The following SCAF4 variants were observed in gnomAD, a reference collection of about 807,000 sequenced individuals.
The protein encoded by SCAF4 is SR-related CTD associated factor 4, also known as SR-related and CTD-associated factor 4.
In SCAF4, 25 loss-of-function variants were observed where a neutral mutation model predicts 129.8. That is an observed-to-expected ratio of 0.19 (90% CI 0.14 to 0.27). The LOEUF (loss-of-function observed/expected upper bound fraction) is 0.27, where lower values mean the gene tolerates loss of function less well. Among genes scored for constraint, SCAF4 ranks in the 10% least tolerant of loss-of-function variants. The pLI is 1.00. For synonymous variants in SCAF4, 551 were observed against 497.7 expected (o/e 1.11, Z -1.43); for missense variants, 1,246 against 1,457.1 (o/e 0.86, Z 2.36).
At chr21:31,673,043 G>A (rs545603606) in intron 19 of SCAF4, among the ~76,000 whole-genome samples, 1 of 152,280 alleles carries the variant, frequency 6.6e-6, no homozygotes, top group South Asian at 2.1e-4. Flanking sequence ...AATGCTCAAT[G>A]TTCAGCTGTT....
intron 7 of SCAF4, among the ~76,000 whole-genome samples, chr21:31,700,549 C>T (rs2050500055): frequency 6.6e-6 from 1 of 151,820 alleles, no homozygotes; most frequent in South Asian, 2.1e-4. Context: ...CCACTATTAA[C>T]CTTAACAACA....
rs142270458 is a variant in SCAF4 at position 31,671,645 on chromosome 21, T to C, written c.3198A>G (p.Arg1066=). ...HRDRERDSRD[R]ESRREKEEAR... is the part of the protein sequence containing the mutation. Reference sequence around the variant, plus strand: ...CTTCTTCCTTCTCTCTACGAGACTCTCTATCTCTAGAATCTCTCTCTCTGT... The same window carrying C: ...CTTCTTCCTTCTCTCTACGAGACTCCCTATCTCTAGAATCTCTCTCTCTGT... Residue 1066 remains arginine, a synonymous_variant, in exon 20 of 20, where the codon AGA becomes AGG. Transcript: ENST00000286835. 27 of 1,614,128 alleles carry C rather than the reference T, an allele frequency of 1.7e-5. No homozygotes were observed. The African/African-American group carries it at 3.3e-4, about 20-fold the overall frequency.
At chr21:31,726,880 T>C (rs1488856115) in intron 1 of SCAF4, among the ~76,000 whole-genome samples, 2 of 152,172 alleles carry the variant, frequency 1.3e-5, no homozygotes, top group Non-Finnish European at 2.9e-5. Context: ...CACTCCAGTA[T>C]CAGAGAATAT....
At chr21:31,708,187 A>C (rs1160827334) in intron 1 of SCAF4, among the ~76,000 whole-genome samples, 3 of 152,088 alleles carry the variant, frequency 2.0e-5, no homozygotes, top group Non-Finnish European at 4.4e-5. Flanking sequence ...CAGGAGTTCG[A>C]GACCAGCCTG....
Position 31,694,299 on chromosome 21 carries a change from C to A in SCAF4, c.1237-10G>T. The stretch of plus-strand genomic sequence containing the variant: ...GTTCTACTTCCATTTCCTTAAAAAA[C>A]AAAAACCATGATAAAATGAGAAATT... On this transcript the variant is annotated splice_polypyrimidine_tract_variant and intron_variant, in intron 10 of 19. Transcript: ENST00000286835. 1.3e-6 allele frequency: 2 copies of A among 1,521,436 alleles called. No individual in the cohort carries two copies. The highest frequency in any genetic ancestry group is 1.2e-5 in the South Asian group (1 of 86,490). The allele number at this position is 1,521,436 out of a possible 1,614,324, so 94.2% of individuals were successfully genotyped here. A position where few individuals can be genotyped will look rare whatever the true frequency, so the allele number is the denominator to read the frequency against.
chr21:31,692,274 C>G, intron 13 of SCAF4, 75 bp downstream of exon 13: 1 of 1,185,564 alleles, frequency 8.4e-7, no homozygotes, highest in Non-Finnish European at 1.3e-6. Flanking sequence ...TAACTTTGGT[C>G]TCAGGTCCTC....
At chr21:31,673,929 G>C (rs571635483) in intron 19 of SCAF4, among the ~76,000 whole-genome samples, 2 of 152,294 alleles carry the variant, frequency 1.3e-5, no homozygotes, top group African/African-American at 4.8e-5. Context: ...AGAACATTCT[G>C]GTGCCTATCT....
chr21:31,731,539 C>A (rs1568874777), intron 1 of SCAF4, 124 bp downstream of exon 1: 8 of 1,174,548 alleles, frequency 6.8e-6, no homozygotes, highest in South Asian at 1.3e-5. Context: ...CAGGCCCCGC[C>A]GCCCCGGAAC....
chr21:31,699,170 T>C (rs112043587), intron 7 of SCAF4, among the ~76,000 whole-genome samples: 71 of 152,078 alleles, frequency 4.7e-4, no homozygotes, highest in Non-Finnish European at 9.1e-4. Context: ...CACAGAAACA[T>C]ACAGGAATTT....
rs11408552 is a variant in SCAF4, at chr21:31,712,222, C to CTTTTTTTTTTTT, written c.31-5877_31-5866dup. 5.6e-3 allele frequency among the ~76,000 whole-genome samples: 763 copies of CTTTTTTTTTTTT among 135,266 alleles called. 13 individuals carry two copies. The highest frequency in any genetic ancestry group is 0.02 in the African/African-American group (721 of 35,652). The allele number at this position is 135,266 out of a possible 152,430, so 88.7% of individuals were successfully genotyped here. On this transcript the variant is annotated intron_variant, in intron 1 of 19. Coordinates refer to ENST00000286835, the MANE Select transcript of SCAF4 (RefSeq NM_020706.2). The stretch of plus-strand genomic sequence containing the variant: ...GTTTGATTCTCCCATTTGTTTGTTG[C>CTTTTTTTTTTTT]TTTTTTTTTTTTTTTGAGACAGTCT...
At chr21:31,724,731 CA>C (rs374207672) in intron 1 of SCAF4, among the ~76,000 whole-genome samples, 1 of 150,856 alleles carries the variant, frequency 6.6e-6, no homozygotes, top group Non-Finnish European at 1.5e-5. Context: ...AGAAAACAAA[CA>C]AAAAAAAACT....
At position 31,726,140 on chromosome 21, in the gene SCAF4, G is replaced by A. The variant is rs554418000; in HGVS notation, c.30+5523C>T. Among the ~76,000 whole-genome samples the A allele has an allele frequency of 5.9e-5, 9 of 151,520 alleles. No homozygotes were observed. In the South Asian group the frequency reaches 1.9e-3, roughly 32 times the overall value. ...GGCTCACTGCAAGCTCCGCCTCCCGGGTTCACACCATTCTCCTGCCTCAGC... is the reference window on the plus strand; with the variant it reads ...GGCTCACTGCAAGCTCCGCCTCCCGAGTTCACACCATTCTCCTGCCTCAGC... On this transcript the variant is annotated intron_variant, in intron 1 of 19. Coordinates refer to ENST00000286835, the MANE Select transcript of SCAF4 (RefSeq NM_020706.2).
chr21:31,689,362 A>G (rs1372396962), intron 15 of SCAF4, among the ~76,000 whole-genome samples: 1 of 151,550 alleles, frequency 6.6e-6, no homozygotes, highest in Non-Finnish European at 1.5e-5. Flanking sequence ...CAGTGGCGCA[A>G]TCTCAACTCA....
At position 31,671,657 on chromosome 21, in the gene SCAF4, ATCTCTC is replaced by A; in HGVS notation, c.3180_3185del (p.Glu1060_Arg1061del). 6.2e-7 allele frequency: 1 copy of A among 1,613,700 alleles called. No individual in the cohort carries two copies. The highest frequency in any genetic ancestry group is 8.5e-7 in the Non-Finnish European group (1 of 1,179,808). On this transcript the variant is annotated inframe_deletion, in exon 20 of 20. Transcript: ENST00000286835. ...CTCTACGAGACTCTCTATCTCTAGAATCTCTCTCTCTGTCTCGATGCCCACTAGAGC... is the reference window on the plus strand; with the variant it reads ...CTCTACGAGACTCTCTATCTCTAGAATCTCTGTCTCGATGCCCACTAGAGC...
intron 15 of SCAF4, among the ~76,000 whole-genome samples, chr21:31,690,151 TA>T (rs2123522641): frequency 6.6e-6 from 1 of 152,268 alleles, no homozygotes; most frequent in South Asian, 2.1e-4. Context: ...TCTGGACATC[TA>T]AAACTTTCCA....
At chr21:31,719,100 G>C (rs929897680) in intron 1 of SCAF4, among the ~76,000 whole-genome samples, 3 of 152,080 alleles carry the variant, frequency 2.0e-5, no homozygotes, top group Admixed American at 6.5e-5. Context: ...AGACCAGCCT[G>C]ATCAACATGG....
intron 1 of SCAF4, among the ~76,000 whole-genome samples, chr21:31,707,547 T>C (rs952653282): frequency 2.0e-5 from 3 of 152,232 alleles, no homozygotes; most frequent in African/African-American, 2.4e-5. Flanking sequence ...TCTTAAATTA[T>C]TGTTTTTGTT....
chr21:31,695,149 T>C (rs2050355090), intron 9 of SCAF4, among the ~76,000 whole-genome samples, 169 bp from the exon 10 acceptor site: 1 of 152,256 alleles, frequency 6.6e-6, no homozygotes, highest in African/African-American at 2.4e-5. Flanking sequence ...GCAAGAATTG[T>C]TACATACCAA....
intron 1 of SCAF4, among the ~76,000 whole-genome samples, chr21:31,708,418 TAAC>T (rs913702287): frequency 6.6e-5 from 10 of 150,740 alleles, no homozygotes; most frequent in Non-Finnish European, 8.9e-5. Flanking sequence ...GAAAAAGAAA[TAAC>T]AAATCCTTAA....
Sources: gnomAD v4.1 joint callset for allele counts (sites outside exome capture counted in the v4.1 genomes callset) on GRCh38, gnomAD v4.1.1 for gene constraint, MANE v1.5 for transcripts, NCBI Gene and HGNC (gene_info 2026-07-23, HGNC 2026-07-21) for gene names.